Variants in CSMD2 observed in about 807,000 individuals in gnomAD.
The protein encoded by CSMD2 is CUB and Sushi multiple domains 2, also known as CUB and sushi domain-containing protein 2.
CSMD2 carries 130 observed loss-of-function variants against 398.5 expected under a neutral mutation model. The ratio of observed to expected loss-of-function variants is 0.33; its 90% CI spans 0.28 to 0.38. CSMD2 has a LOEUF of 0.38. Among genes scored for constraint, CSMD2 ranks in the 10% least tolerant of loss-of-function variants. CSMD2 has a pLI of 1.00. For missense variants in CSMD2, 3,829 were observed against 4,764.9 expected (o/e 0.80, Z 5.78); for synonymous variants, 1,828 against 1,908.5 (o/e 0.96, Z 1.10).
intron 21 of CSMD2, among the ~76,000 whole-genome samples, chr1:33,712,108 C>T (rs547518693): frequency 1.7e-4 from 26 of 152,316 alleles, no homozygotes; most frequent in African/African-American, 5.5e-4. Context: ...TGACTTCTGT[C>T]GCCCCCATCA....
At chr1:34,040,219 A>G (rs1368900736) in intron 2 of CSMD2, among the ~76,000 whole-genome samples, 2 of 146,990 alleles carry the variant, frequency 1.4e-5, no homozygotes, top group Admixed American at 1.4e-4. Flanking sequence ...AAAAAAAAAT[A>G]ATAAAAGACT....
Position 33,701,580 on chromosome 1 carries a change from A to C in CSMD2, c.3577-907T>G, listed in dbSNP as rs547395008. Among the ~76,000 whole-genome samples the C allele has an allele frequency of 1.4e-4, 21 of 152,376 alleles. 1 individual carries two copies. In the South Asian group the frequency reaches 4.3e-3, roughly 32 times the overall value. The stretch of plus-strand genomic sequence containing the variant: ...TGCCAGCTGCCAGCAAATTGGCACA[A>C]TATTTCCATTGTACTATTTATGAAG... On this transcript the variant is annotated intron_variant, in intron 22 of 70. Transcript: ENST00000373381.
At chr1:33,781,559 T>C (rs1007933156) in intron 12 of CSMD2, among the ~76,000 whole-genome samples, 1 of 152,144 alleles carries the variant, frequency 6.6e-6, no homozygotes, top group African/African-American at 2.4e-5. Flanking sequence ...CTCTGCATAA[T>C]CTCTACTGTC....
chr1:33,878,116 C>T (rs997733445), intron 5 of CSMD2: 5 of 152,206 alleles, frequency 3.3e-5, no homozygotes, highest in Admixed American at 2.0e-4. Context: ...CTGAGAGTTG[C>T]TTTTCAGCAC....
At chr1:33,919,753 A>G (rs1643877139) in intron 4 of CSMD2, among the ~76,000 whole-genome samples, 1 of 152,236 alleles carries the variant, frequency 6.6e-6, no homozygotes, top group African/African-American at 2.4e-5. Flanking sequence ...GGGGATGCTC[A>G]AGGCGCAGTG....
intron 13 of CSMD2, among the ~76,000 whole-genome samples, chr1:33,748,700 GAC>G: frequency 6.6e-6 from 1 of 152,092 alleles, no homozygotes; most frequent in Non-Finnish European, 1.5e-5. Flanking sequence ...ATAAAGATAT[GAC>G]AGTTATAATA....
At chr1:33,660,853 G>A (rs1352478425) in intron 26 of CSMD2, among the ~76,000 whole-genome samples, 1 of 152,214 alleles carries the variant, frequency 6.6e-6, no homozygotes, top group African/African-American at 2.4e-5. Context: ...GGGAGGCATG[G>A]CATGACCCTG....
At chr1:34,080,261 G>T (rs979645420) in intron 2 of CSMD2, among the ~76,000 whole-genome samples, 1 of 151,704 alleles carries the variant, frequency 6.6e-6, no homozygotes, top group Non-Finnish European at 1.5e-5. Context: ...TAGGATCACA[G>T]TATATAAAAT....
At chr1:33,626,132 C>T (rs1183681464) in intron 33 of CSMD2, among the ~76,000 whole-genome samples, 1 of 152,220 alleles carries the variant, frequency 6.6e-6, no homozygotes, top group African/African-American at 2.4e-5. Flanking sequence ...TTTACTGTGC[C>T]TGGCAGACAA....
intron 3 of CSMD2, among the ~76,000 whole-genome samples, chr1:33,996,188 T>G (rs562149631): frequency 1.3e-5 from 2 of 151,714 alleles, no homozygotes; most frequent in Non-Finnish European, 2.9e-5. Context: ...GCAACCTCAC[T>G]GGTAATCAGA....
chr1:33,557,339 T>C (rs1178457833), intron 55 of CSMD2, among the ~76,000 whole-genome samples: 1 of 152,030 alleles, frequency 6.6e-6, no homozygotes, highest in Non-Finnish European at 1.5e-5. Context: ...TCTGCTTCAG[T>C]CCTTTAAAGG....
intron 64 of CSMD2, 101 bp downstream of exon 64, chr1:33,532,949 A>G: frequency 8.8e-7 from 1 of 1,131,010 alleles, no homozygotes; most frequent in Non-Finnish European, 1.2e-6. Flanking sequence ...CAGCTCCTTG[A>G]AACGCAATTC....
chr1:34,035,050 C>G (rs1016543130), intron 2 of CSMD2, among the ~76,000 whole-genome samples: 1 of 152,086 alleles, frequency 6.6e-6, no homozygotes, highest in African/African-American at 2.4e-5. Flanking sequence ...GAAAACAGAT[C>G]CTGCACTTAA....
chr1:34,101,829 A>C (rs1307954719), intron 1 of CSMD2, among the ~76,000 whole-genome samples: 1 of 151,746 alleles, frequency 6.6e-6, no homozygotes, highest in Non-Finnish European at 1.5e-5. Flanking sequence ...TTGGCCTTTT[A>C]ATTTTATCAT....
intron 49 of CSMD2, 42 bp from the exon 50 acceptor site, chr1:33,572,733 T>C: frequency 2.0e-6 from 3 of 1,497,244 alleles, no homozygotes; most frequent in Non-Finnish European, 2.7e-6. Context: ...TGTTTTAAGA[T>C]GGTATTCTGA....
At chr1:34,068,533 G>A (rs1655369375) in intron 2 of CSMD2, among the ~76,000 whole-genome samples, 1 of 152,106 alleles carries the variant, frequency 6.6e-6, no homozygotes, top group Non-Finnish European at 1.5e-5. Flanking sequence ...ATGCTTACAT[G>A]GTAATGTACA....
Position 33,533,706 on chromosome 1 carries a change from TC to T in CSMD2, c.9991+89del. On this transcript the variant is annotated intron_variant, in intron 63 of 70. Coordinates refer to ENST00000373381, the MANE Select transcript of CSMD2 (RefSeq NM_001281956.2). This position sits in a 1 kb window ranked among gnomAD's most constrained non-coding sequence, Gnocchi z 4.2. ...TCGGTTCGCATGGGGAGTTGTGAAC[TC>T]CCTGTCATTCAGAGCATTCAAACAT... is the stretch of plus-strand genomic sequence containing the variant. The T allele has an allele frequency of 1.2e-6, 1 of 815,652 alleles. No individual in the cohort carries two copies. The highest frequency in any genetic ancestry group is 1.5e-5 in the South Asian group (1 of 65,204). 50.5% of individuals were successfully genotyped at this position (815,652 alleles called of 1,614,324 possible).
chr1:33,711,237 T>C lies in CSMD2; in HGVS notation c.3407-1979A>G, dbSNP rs551156025. On this transcript the variant is annotated intron_variant, in intron 21 of 70. Transcript: ENST00000373381. ...AGGGCCATGCATATGTAAACACTTA[T>C]TACTCAGTCATATCACATGGGCAGC... Among the ~76,000 whole-genome samples the C allele has an allele frequency of 2.0e-5, 3 of 152,290 alleles. No individual in the cohort carries two copies. In the South Asian group the frequency reaches 6.2e-4, roughly 32 times the overall value.
chr1:33,714,440 C>A, intron 21 of CSMD2, 147 bp downstream of exon 21: 2 of 918,212 alleles, frequency 2.2e-6, no homozygotes, highest in Non-Finnish European at 3.4e-6. Context: ...GGTTAGGTTA[C>A]CTGCCCCGGG....
Sources: allele counts gnomAD v4.1 joint callset (sites outside exome capture counted in the v4.1 genomes callset), GRCh38; gene constraint gnomAD v4.1.1; non-coding constraint Gnocchi (gnomAD v3.1); transcripts MANE v1.5; gene names NCBI Gene and HGNC (gene_info 2026-07-23, HGNC 2026-07-21).